The following ELP4 variants were observed in gnomAD, a reference collection of about 807,000 sequenced individuals.
ELP4 encodes the protein elongator complex protein 4.
Under a neutral mutation model 48.9 loss-of-function variants are expected in ELP4, and 51 were observed. The ratio of observed to expected loss-of-function variants is 1.04; its 90% CI spans 0.83 to 1.32. ELP4 has a LOEUF of 1.32. Among genes scored for constraint, ELP4 ranks in the 40% most tolerant of loss-of-function variants. The pLI, the probability that ELP4 is intolerant of heterozygous loss-of-function variation, is 0.00. For missense variants in ELP4, 519 were observed against 514.6 expected (o/e 1.01, Z -0.08); for synonymous variants, 210 against 189.2 (o/e 1.11, Z -0.90).
intron 9 of ELP4, among the ~76,000 whole-genome samples, chr11:31,688,956 A>G (rs148911451): frequency 3.9e-4 from 60 of 152,318 alleles, no homozygotes; most frequent in African/African-American, 1.3e-3. Context: ...TGGTTTCTCT[A>G]ATTTATGGCA....
In ELP4 at chr11:31,612,352, C is replaced by T. The variant is rs74753446; in HGVS notation, c.653+8445C>T. Among the ~76,000 whole-genome samples, 29 of 152,142 alleles carry T rather than the reference C, an allele frequency of 1.9e-4. No homozygotes were observed. In the East Asian group the frequency reaches 5.2e-3, roughly 27 times the overall value. On this transcript the variant is annotated intron_variant, in intron 5 of 9. Transcript: ENST00000640961. Reference sequence around the variant, plus strand: ...TACCTCTTGGGAGTTTGGGTTGAATCGAGAAACTTAAAAAGGGTTATTTCA... The same window carrying T: ...TACCTCTTGGGAGTTTGGGTTGAATTGAGAAACTTAAAAAGGGTTATTTCA...
chr11:31,666,998 G>T (rs925028270), intron 9 of ELP4, among the ~76,000 whole-genome samples: 1 of 152,146 alleles, frequency 6.6e-6, no homozygotes. Context: ...CAACCAGCAT[G>T]GAGGACCAAG....
chr11:31,586,309 A>G (rs1416489996), intron 3 of ELP4, among the ~76,000 whole-genome samples: 1 of 152,190 alleles, frequency 6.6e-6, no homozygotes, highest in Non-Finnish European at 1.5e-5. Flanking sequence ...GTGAAATACA[A>G]AGACAAAGTT....
intron 1 of ELP4, among the ~76,000 whole-genome samples, chr11:31,512,925 A>G (rs890541574): frequency 6.6e-6 from 1 of 151,956 alleles, no homozygotes; most frequent in African/African-American, 2.4e-5. Flanking sequence ...AGGAAGGGTA[A>G]CTGCAGATTT....
chr11:31,762,100 G>A (rs576152194), intron 9 of ELP4: 1 of 152,272 alleles, frequency 6.6e-6, no homozygotes, highest in South Asian at 2.1e-4. Flanking sequence ...ATGATCTACA[G>A]TGACCATGGT....
chr11:31,746,369 C>G (rs1327666306), intron 9 of ELP4, among the ~76,000 whole-genome samples: 1 of 152,104 alleles, frequency 6.6e-6, no homozygotes, highest in African/African-American at 2.4e-5. Context: ...ACCATTTGAC[C>G]CAGCCATCCC....
chr11:31,605,030 G>T (rs995828021), intron 5 of ELP4, among the ~76,000 whole-genome samples: 5 of 152,102 alleles, frequency 3.3e-5, no homozygotes, highest in African/African-American at 1.2e-4. Flanking sequence ...GAAATTCACA[G>T]AATTGATTTA....
At chr11:31,639,772 T>C (rs183729211) in intron 7 of ELP4, among the ~76,000 whole-genome samples, 1 of 152,054 alleles carries the variant, frequency 6.6e-6, no homozygotes, top group Admixed American at 6.6e-5. Context: ...AACCTTTCAT[T>C]ACACTTAATC....
At chr11:31,544,805 C>T (rs1956668888) in intron 3 of ELP4, among the ~76,000 whole-genome samples, 1 of 152,188 alleles carries the variant, frequency 6.6e-6, no homozygotes, top group Non-Finnish European at 1.5e-5. Context: ...TGAGACAAAA[C>T]TTCCAGAGGA....
intron 9 of ELP4, among the ~76,000 whole-genome samples, chr11:31,702,816 T>C (rs1178048604): frequency 6.6e-6 from 1 of 152,198 alleles, no homozygotes; most frequent in Non-Finnish European, 1.5e-5. Flanking sequence ...TCCTCTAAAC[T>C]TTCATTTTCT....
chr11:31,584,700 T>G (rs368520808), intron 3 of ELP4, among the ~76,000 whole-genome samples: 3 of 152,162 alleles, frequency 2.0e-5, no homozygotes, highest in South Asian at 4.1e-4. Context: ...TTTTTTTGTA[T>G]TTTTACTAGA....
At chr11:31,657,144 T>G (rs1337723584) in intron 9 of ELP4, among the ~76,000 whole-genome samples, 1 of 152,090 alleles carries the variant, frequency 6.6e-6, no homozygotes, top group Non-Finnish European at 1.5e-5. Flanking sequence ...CTTAAGCTTG[T>G]GATGTAGGTA....
intron 9 of ELP4, among the ~76,000 whole-genome samples, chr11:31,780,396 A>ACT: frequency 6.6e-6 from 1 of 152,326 alleles, no homozygotes; most frequent in Middle Eastern, 3.4e-3. Flanking sequence ...TTGAGAATTT[A>ACT]GATTGCATAG....
At chr11:31,544,978 A>G (rs1956672974) in intron 3 of ELP4, among the ~76,000 whole-genome samples, 2 of 152,184 alleles carry the variant, frequency 1.3e-5, no homozygotes, top group African/African-American at 2.4e-5. Flanking sequence ...AACAGAAAGG[A>G]CATCCACACC....
intron 9 of ELP4, among the ~76,000 whole-genome samples, chr11:31,727,585 C>G (rs1156385993): frequency 6.6e-6 from 1 of 152,150 alleles, no homozygotes; most frequent in Admixed American, 6.5e-5. Context: ...TTATTAATGT[C>G]AGTGAACATA....
intron 3 of ELP4, among the ~76,000 whole-genome samples, chr11:31,578,360 C>CTA (rs1957323792): frequency 6.6e-6 from 1 of 152,160 alleles, no homozygotes; most frequent in East Asian, 1.9e-4. Context: ...AATGACTATA[C>CTA]TGCCCAAGGT....
At chr11:31,622,279 G>GT (rs1244088597) in intron 5 of ELP4, among the ~76,000 whole-genome samples, 1 of 151,532 alleles carries the variant, frequency 6.6e-6, no homozygotes, top group African/African-American at 2.4e-5. Context: ...GTTACCCAGG[G>GT]TTTTTTGTTG....
chr11:31,681,943 G>A (rs1194053201), intron 9 of ELP4: 2 of 506,802 alleles, frequency 3.9e-6, no homozygotes, highest in Non-Finnish European at 6.4e-6. Flanking sequence ...GTTCCACCAT[G>A]TTGGCCAGGC....
chr11:31,762,454 A>T (rs1947963510), intron 9 of ELP4, among the ~76,000 whole-genome samples: 1 of 152,134 alleles, frequency 6.6e-6, no homozygotes, highest in South Asian at 2.1e-4. Flanking sequence ...TAAATTTTTA[A>T]ATTTTTAAAA....
Sources: gnomAD v4.1 joint callset for allele counts (sites outside exome capture counted in the v4.1 genomes callset) on GRCh38, gnomAD v4.1.1 for gene constraint, MANE v1.5 for transcripts, NCBI Gene and HGNC (gene_info 2026-07-23, HGNC 2026-07-21) for gene names.